Variants in COA7 observed in about 807,000 individuals in gnomAD.
COA7 encodes cytochrome c oxidase assembly factor 7.
COA7 carries 12 observed loss-of-function variants against 21.0 expected under a neutral mutation model. The ratio of observed to expected loss-of-function variants is 0.57; its 90% confidence interval spans 0.37 to 0.92. The LOEUF (loss-of-function observed/expected upper bound fraction) is 0.92, where lower values mean the gene tolerates loss of function less well. Among genes scored for constraint, COA7 ranks in the 40% least tolerant of loss-of-function variants. The pLI, the probability that COA7 is intolerant of heterozygous loss-of-function variation, is 0.01. For missense variants in COA7, 240 were observed against 286.1 expected (o/e 0.84, Z 1.16); for synonymous variants, 95 against 107.4 (o/e 0.88, Z 0.72).
chr1:52,697,927 C>T (rs1644096146), intron 1 of COA7: 2 of 371,226 alleles, frequency 5.4e-6, no homozygotes, highest in Non-Finnish European at 9.8e-6. Context: ...TATTGCCCGA[C>T]TCCCCGCACT....
intron 2 of COA7, among the ~76,000 whole-genome samples, chr1:52,690,209 T>C (rs1353741284): frequency 6.6e-6 from 1 of 152,046 alleles, no homozygotes; most frequent in African/African-American, 2.4e-5. Context: ...GTAGAAGTGG[T>C]GGCAGGGCTC....
chr1:52,688,750 C>T (rs1644024614), intron 2 of COA7, among the ~76,000 whole-genome samples: 1 of 152,284 alleles, frequency 6.6e-6, no homozygotes, highest in East Asian at 1.9e-4. Context: ...AGTGCACAGA[C>T]CTCCTAGCTT....
chr1:52,694,998 A>C (rs1571719693), intron 1 of COA7, among the ~76,000 whole-genome samples: 1 of 152,166 alleles, frequency 6.6e-6, no homozygotes, highest in East Asian at 1.9e-4. Context: ...CAAGAAAATA[A>C]GTAATATGAT....
In COA7 at chr1:52,686,128, A is replaced by G. The variant is rs968300956; in HGVS notation, c.*1592T>C. 6.6e-6 allele frequency: 1 copy of G among 152,186 alleles called. No homozygotes were observed. The highest frequency in any genetic ancestry group is 2.4e-5 in the African/African-American group (1 of 41,430). 9.4% of individuals were successfully genotyped at this position (152,186 alleles called of 1,614,324 possible). The stretch of plus-strand genomic sequence containing the variant: ...TGATCCACCTGCCTTGGCCTCCCAA[A>G]ATGCTAGGATTACAGGCATGAGCCA... On this transcript the variant is annotated 3_prime_UTR_variant, in exon 3 of 3. Coordinates refer to ENST00000371538, the MANE Select transcript of COA7 (RefSeq NM_023077.3).
chr1:52,694,326 T>A (rs1645782332), intron 1 of COA7, among the ~76,000 whole-genome samples: 1 of 152,122 alleles, frequency 6.6e-6, no homozygotes, highest in South Asian at 2.1e-4. Flanking sequence ...CCGGGCATGG[T>A]GGCGCATGCC....
intron 1 of COA7, among the ~76,000 whole-genome samples, chr1:52,695,543 T>C (rs971459170): frequency 6.6e-6 from 1 of 152,116 alleles, no homozygotes; most frequent in Admixed American, 6.6e-5. Context: ...CTGGTATATA[T>C]GTTCATATAT....
rs373010979 is a variant in COA7, at chr1:52,692,796, A to C, written c.178T>G (p.Phe60Val). The part of the protein sequence containing the change: ...NFDEAAKVLK[F>V]NCEENQHSDS... ...CTGTGCTGGTTCTCTTCACAGTTAA[A>C]CTTCAACACCTTGGCAGCCTCATCA... The change falls in exon 2 of 3, where the codon TTT becomes GTT. Residue 60 changes from phenylalanine (F) to valine (V), a missense_variant. By Grantham distance (50) the Phe-to-Val change is conservative. Transcript: ENST00000371538. 23 of 1,613,916 alleles carry C rather than the reference A, an allele frequency of 1.4e-5. No homozygotes were observed. Among genetic ancestry groups the C allele is most frequent in the Non-Finnish European group, 1.0e-5 (12 of 1,180,006 alleles).
chr1:52,691,869 A>G (rs1414675540), intron 2 of COA7, among the ~76,000 whole-genome samples: 1 of 152,224 alleles, frequency 6.6e-6, no homozygotes, highest in Non-Finnish European at 1.5e-5. Context: ...GCTACATCTA[A>G]TAAATATGTG....
Position 52,692,605 on chromosome 1 carries a change from T to A in COA7, c.247+122A>T, listed in dbSNP as rs1431614405. 3.5e-6 allele frequency: 4 copies of A among 1,137,080 alleles called. No homozygotes were observed. In the East Asian group the frequency reaches 9.5e-5, roughly 27 times the overall value. 70.4% of individuals were successfully genotyped at this position (1,137,080 alleles called of 1,614,324 possible). On this transcript the variant is annotated intron_variant, in intron 2 of 2. Coordinates refer to ENST00000371538, the MANE Select transcript of COA7 (RefSeq NM_023077.3). ...ACTCTGCTGAACTCCTACCTCTCCA[T>A]CTTCCTACAATGCACTTTCCCAATG...
intron 1 of COA7, 91 bp from the exon 2 acceptor site, chr1:52,692,958 C>T: frequency 2.9e-6 from 4 of 1,393,992 alleles, no homozygotes; most frequent in Non-Finnish European, 3.0e-6. Context: ...GTGTGGCAGG[C>T]CAGGTGATGT....
In COA7 at chr1:52,695,044, A is replaced by C. The variant is rs376861682; in HGVS notation, c.107-2177T>G. The stretch of plus-strand genomic sequence containing the variant: ...TGTGGTGGCTCATGCCTGTAATCCC[A>C]GCACTTTGGGAGGCCAAGGCGGGTA... On this transcript the variant is annotated intron_variant, in intron 1 of 2. Coordinates refer to ENST00000371538, the MANE Select transcript of COA7 (RefSeq NM_023077.3). 2.6e-4 allele frequency among the ~76,000 whole-genome samples: 40 copies of C among 152,310 alleles called. No homozygotes were observed. In the East Asian group the frequency reaches 7.3e-3, roughly 28 times the overall value.
chr1:52,694,414 A>G (rs975520466), intron 1 of COA7, among the ~76,000 whole-genome samples: 2 of 147,214 alleles, frequency 1.4e-5, no homozygotes, highest in African/African-American at 5.1e-5. Flanking sequence ...GAGCCGAGAT[A>G]GCGCCATTGC....
Position 52,688,821 on chromosome 1 carries a change from G to C in COA7, c.248-653C>G, listed in dbSNP as rs567826527. Reference sequence around the variant, plus strand: ...TATGAGGAAACTCAAACAGGTAAAGGAGGTGAAAATTGGGAATGATAATAA... The same window carrying C: ...TATGAGGAAACTCAAACAGGTAAAGCAGGTGAAAATTGGGAATGATAATAA... On this transcript the variant is annotated intron_variant, in intron 2 of 2. Coordinates refer to ENST00000371538, the MANE Select transcript of COA7 (RefSeq NM_023077.3). Among the ~76,000 whole-genome samples, 10 of 152,306 alleles carry C rather than the reference G, an allele frequency of 6.6e-5. No homozygotes were observed. The South Asian group carries it at 1.2e-3, about 19-fold the overall frequency.
intron 2 of COA7, among the ~76,000 whole-genome samples, chr1:52,689,436 G>A (rs933194420): frequency 6.6e-6 from 1 of 151,686 alleles, no homozygotes; most frequent in African/African-American, 2.4e-5. Context: ...TTACAGGCGT[G>A]AGCCACTTCA....
chr1:52,692,738 A>G lies in COA7; in HGVS notation c.236T>C (p.Val79Ala), dbSNP rs192992745. 1 of 1,614,206 alleles carries G rather than the reference A, an allele frequency of 6.2e-7. No individual in the cohort carries two copies. The highest frequency in any genetic ancestry group is 1.7e-5 in the Admixed American group (1 of 60,018). ...CAGGCCCTCCTTACCTTTTCCAGTC[A>G]CATAGTAGGCCCCCAGTTTGTAGCA... The part of the protein sequence containing the change: ...DSCYKLGAYY[V>A]TGKGGLTQDL... The change falls in exon 2 of 3, where the codon GTG (valine) becomes GCG (alanine). Residue 79 changes from valine to alanine, a missense_variant. Val to Ala is a moderately conservative substitution (Grantham distance 64). This residue lies in a region of COA7 where 163 missense variants were observed against 214.1 expected (regional missense o/e 0.76). Coordinates refer to ENST00000371538, the MANE Select transcript of COA7 (RefSeq NM_023077.3).
Position 52,698,226 on chromosome 1 carries a change from G to C in COA7, c.101C>G (p.Pro34Arg). 1 of 1,609,268 alleles carries C rather than the reference G, an allele frequency of 6.2e-7. No individual in the cohort carries two copies. The highest frequency in any genetic ancestry group is 8.5e-7 in the Non-Finnish European group (1 of 1,177,632). Residue 34 changes from proline (P) to arginine (R), a missense_variant, in exon 1 of 3, where the codon CCG becomes CGG. Coordinates refer to ENST00000371538, the MANE Select transcript of COA7 (RefSeq NM_023077.3). ...GCTGCGCTGGAGCCGCTCACCGTCCGGGTCCTTCTCGTGGTAGCAGTGGTA... is the reference window on the plus strand; with the variant it reads ...GCTGCGCTGGAGCCGCTCACCGTCCCGGTCCTTCTCGTGGTAGCAGTGGTA... Reference protein sequence around the residue: ...CNYHCYHEKDPDGCYRLVDYL... With the variant: ...CNYHCYHEKDRDGCYRLVDYL...
At chr1:52,688,446 C>T (rs1449319709) in intron 2 of COA7, among the ~76,000 whole-genome samples, 1 of 152,226 alleles carries the variant, frequency 6.6e-6, no homozygotes, top group East Asian at 1.9e-4. Flanking sequence ...AAGGATCTCA[C>T]TATGTTGCCA....
intron 1 of COA7, among the ~76,000 whole-genome samples, chr1:52,697,523 C>G (rs1644092419): frequency 6.6e-6 from 1 of 152,196 alleles, no homozygotes; most frequent in Admixed American, 6.5e-5. Flanking sequence ...GCCCTCCTGC[C>G]CTCCTGACAC....
intron 2 of COA7, among the ~76,000 whole-genome samples, chr1:52,688,651 A>C (rs1374775281): frequency 6.6e-6 from 1 of 152,192 alleles, no homozygotes; most frequent in Non-Finnish European, 1.5e-5. Flanking sequence ...ATTCGAGATC[A>C]ACCTGGGTGA....
Sources: gnomAD v4.1 joint callset for allele counts (sites outside exome capture counted in the v4.1 genomes callset) on GRCh38, gnomAD v4.1.1 for gene constraint, gnomAD v4.1.1 regional missense constraint, MANE v1.5 for transcripts, NCBI Gene and HGNC (gene_info 2026-07-23, HGNC 2026-07-21) for gene names.